CSRNP3: variants seen among roughly 807,000 people sequenced by gnomAD.
CSRNP3 encodes cysteine/serine-rich nuclear protein 3.
In CSRNP3, 12 loss-of-function variants were observed where a neutral mutation model predicts 48.0. That is an observed-to-expected ratio of 0.25 (90% CI 0.16 to 0.41). CSRNP3 has a LOEUF of 0.41. CSRNP3 is among the 10% of genes least tolerant of loss of function. The pLI is 1.00. For missense variants in CSRNP3, 580 were observed against 724.4 expected (o/e 0.80, Z 2.29); for synonymous variants, 263 against 269.7 (o/e 0.98, Z 0.24).
At chr2:165,515,797 CTTTCTT>C (rs1345636741) in intron 2 of CSRNP3, among the ~76,000 whole-genome samples, 6 of 136,696 alleles carry the variant, frequency 4.4e-5, no homozygotes, top group African/African-American at 1.1e-4. Flanking sequence ...TTTTCTTTTC[CTTTCTT>C]TTTTTTTTTT....
chr2:165,649,070 A>T (rs1458495813), intron 4 of CSRNP3, among the ~76,000 whole-genome samples: 2 of 152,188 alleles, frequency 1.3e-5, no homozygotes, highest in Non-Finnish European at 2.9e-5. Flanking sequence ...TGACGACGTG[A>T]CATGCATGTT....
intron 4 of CSRNP3, among the ~76,000 whole-genome samples, chr2:165,622,844 A>G (rs1044846792): frequency 6.6e-6 from 1 of 152,194 alleles, no homozygotes; most frequent in Non-Finnish European, 1.5e-5. Flanking sequence ...AAATTATATT[A>G]CTAGAGAAGA....
At chr2:165,622,728 G>A (rs1686361805) in intron 4 of CSRNP3, among the ~76,000 whole-genome samples, 1 of 152,092 alleles carries the variant, frequency 6.6e-6, no homozygotes, top group South Asian at 2.1e-4. Context: ...CAAAACCAAA[G>A]TTGCCATATA....
chr2:165,627,544 A>G (rs1264562642), intron 4 of CSRNP3, among the ~76,000 whole-genome samples: 1 of 152,182 alleles, frequency 6.6e-6, no homozygotes, highest in African/African-American at 2.4e-5. Flanking sequence ...CTTTAAAAGA[A>G]CGCACTGATA....
chr2:165,592,803 T>TTTTC (rs1685740893), intron 3 of CSRNP3, among the ~76,000 whole-genome samples: 1 of 134,902 alleles, frequency 7.4e-6, no homozygotes, highest in African/African-American at 3.0e-5. Context: ...CCTCTTTTCA[T>TTTTC]TTTTTTTTTT....
At chr2:165,548,597 G>A (rs1475807852) in intron 3 of CSRNP3, among the ~76,000 whole-genome samples, 1 of 151,986 alleles carries the variant, frequency 6.6e-6, no homozygotes, top group Admixed American at 6.6e-5. Context: ...CTTTTTAAGT[G>A]TTGTGTATAA....
At chr2:165,475,443 C>T (rs576249921) in intron 1 of CSRNP3, among the ~76,000 whole-genome samples, 6 of 152,188 alleles carry the variant, frequency 3.9e-5, no homozygotes, top group Non-Finnish European at 7.4e-5. Flanking sequence ...GGAGAGAAGC[C>T]GTGGGCCTGT....
At position 165,659,335 on chromosome 2, in the gene CSRNP3, G is replaced by A. The variant is rs143361217; in HGVS notation, c.408+1315G>A. 2.6e-4 allele frequency among the ~76,000 whole-genome samples: 39 copies of A among 152,282 alleles called. No individual in the cohort carries two copies. The Middle Eastern group carries it at 0.017, about 66-fold the overall frequency. On this transcript the variant is annotated intron_variant, in intron 5 of 6. Coordinates refer to ENST00000651982, the MANE Select transcript of CSRNP3 (RefSeq NM_001172173.2). ...ACAAAATCAGCAGTGCTTAATGACA[G>A]GTTGGATTTAGGAGGAAGAGAAGGA...
chr2:165,622,348 AATAAT>A (rs1433563455), intron 4 of CSRNP3, among the ~76,000 whole-genome samples: 2 of 152,188 alleles, frequency 1.3e-5, no homozygotes, highest in Non-Finnish European at 2.9e-5. Flanking sequence ...TGTTTCTAAA[AATAAT>A]ATACTAAAGA....
intron 2 of CSRNP3, among the ~76,000 whole-genome samples, chr2:165,495,828 T>C (rs1574803995): frequency 6.6e-6 from 1 of 152,014 alleles, no homozygotes; most frequent in South Asian, 2.1e-4. Context: ...AGAGAGGCTG[T>C]TTTCACAATA....
chr2:165,604,376 A>G (rs908124214), intron 4 of CSRNP3, among the ~76,000 whole-genome samples: 8 of 152,230 alleles, frequency 5.3e-5, no homozygotes, highest in Admixed American at 6.5e-5. Context: ...CTTTAGTACA[A>G]CTAAGCCTTA....
intron 2 of CSRNP3, among the ~76,000 whole-genome samples, chr2:165,498,268 T>C (rs560013867): frequency 3.3e-5 from 5 of 152,238 alleles, no homozygotes; most frequent in African/African-American, 1.2e-4. Context: ...TGAGATGAAG[T>C]ATGCAGTGTG....
At chr2:165,587,976 C>T (rs536483793) in intron 3 of CSRNP3, among the ~76,000 whole-genome samples, 8 of 152,028 alleles carry the variant, frequency 5.3e-5, no homozygotes, top group Non-Finnish European at 1.0e-4. Flanking sequence ...TATTGAGGCA[C>T]CTATTATATA....
intron 3 of CSRNP3, among the ~76,000 whole-genome samples, chr2:165,568,859 A>G (rs1030335815): frequency 1.3e-5 from 2 of 152,060 alleles, no homozygotes; most frequent in African/African-American, 4.8e-5. Flanking sequence ...ATAAATTACA[A>G]TTTGACATTT....
intron 4 of CSRNP3, among the ~76,000 whole-genome samples, chr2:165,620,148 T>C (rs369853586): frequency 1.3e-5 from 2 of 152,162 alleles, no homozygotes; most frequent in South Asian, 4.1e-4. Context: ...ATAAGCATGA[T>C]AAATTTTTAC....
intron 2 of CSRNP3, among the ~76,000 whole-genome samples, chr2:165,503,458 A>T (rs570019242): frequency 6.6e-6 from 1 of 151,982 alleles, no homozygotes; most frequent in African/African-American, 2.4e-5. Flanking sequence ...ATGGCTTTGT[A>T]GTAGATTTCA....
chr2:165,611,738 A>G (rs547949171), intron 4 of CSRNP3, among the ~76,000 whole-genome samples: 8 of 152,258 alleles, frequency 5.3e-5, no homozygotes, highest in African/African-American at 1.9e-4. Context: ...TAACTTTCCA[A>G]AGGATCTTAC....
At chr2:165,495,744 G>C (rs1684275295) in intron 2 of CSRNP3, among the ~76,000 whole-genome samples, 2 of 151,942 alleles carry the variant, frequency 1.3e-5, no homozygotes, top group Non-Finnish European at 2.9e-5. Context: ...TGAGATGATA[G>C]GTGTAAACTT....
intron 3 of CSRNP3, among the ~76,000 whole-genome samples, chr2:165,562,667 C>G (rs1685249195): frequency 6.6e-6 from 1 of 152,138 alleles, no homozygotes; most frequent in South Asian, 2.1e-4. Flanking sequence ...AGCACTTTCA[C>G]AAAAACTTTT....
Sources: allele counts gnomAD v4.1 joint callset (sites outside exome capture counted in the v4.1 genomes callset), GRCh38; gene constraint gnomAD v4.1.1; transcripts MANE v1.5; gene names NCBI Gene and HGNC (gene_info 2026-07-23, HGNC 2026-07-21).